Variants in CHRM3 observed in about 807,000 individuals in gnomAD.
CHRM3 encodes the protein muscarinic acetylcholine receptor M3.
A neutral mutation model predicts 41.8 loss-of-function variants in CHRM3; 11 were observed. The ratio of observed to expected loss-of-function variants is 0.26; its 90% CI spans 0.17 to 0.44. The LOEUF (loss-of-function observed/expected upper bound fraction) is 0.44, where lower values mean the gene tolerates loss of function less well. CHRM3 is among the 20% of genes least tolerant of loss of function. The probability of loss-of-function intolerance (pLI) is 1.00; values close to 1 mark genes in which losing one functional copy is unlikely to be tolerated. For missense variants in CHRM3, 571 were observed against 745.4 expected, an observed-to-expected ratio of 0.77 and a Z score of 2.72; for synonymous variants, 297 against 301.4, an observed-to-expected ratio of 0.99 and a Z score of 0.15.
intron 5 of CHRM3, among the ~76,000 whole-genome samples, chr1:239,737,885 G>A (rs750068078): frequency 3.3e-5 from 5 of 151,890 alleles, no homozygotes; most frequent in South Asian, 2.1e-4. Flanking sequence ...GAACACATAC[G>A]GGCAATTAAA....
chr1:239,672,365 C>T (rs956567619), intron 4 of CHRM3, among the ~76,000 whole-genome samples: 2 of 152,202 alleles, frequency 1.3e-5, no homozygotes, highest in Middle Eastern at 3.4e-3. Context: ...TCCTTGTCAG[C>T]AGGAGACAAG....
intron 4 of CHRM3, among the ~76,000 whole-genome samples, chr1:239,653,377 A>G (rs957788203): frequency 2.0e-5 from 3 of 152,140 alleles, no homozygotes; most frequent in African/African-American, 7.2e-5. Context: ...GAATAAACCG[A>G]CTTAGCAGGA....
intron 1 of CHRM3, among the ~76,000 whole-genome samples, chr1:239,456,660 TG>T (rs1664961477): frequency 6.6e-6 from 1 of 152,138 alleles, no homozygotes; most frequent in South Asian, 2.1e-4. Flanking sequence ...TGTACATGAA[TG>T]GCCCAATTGG....
intron 5 of CHRM3, among the ~76,000 whole-genome samples, chr1:239,806,473 T>G (rs914125973): frequency 6.6e-6 from 1 of 151,876 alleles, no homozygotes; most frequent in Non-Finnish European, 1.5e-5. Context: ...TTGTAATTGT[T>G]GAATCTATTG....
At chr1:239,490,565 AT>A (rs1667489050) in intron 1 of CHRM3, among the ~76,000 whole-genome samples, 1 of 151,838 alleles carries the variant, frequency 6.6e-6, no homozygotes, top group South Asian at 2.1e-4. Context: ...TATTAGTATT[AT>A]TATTATTACT....
At chr1:239,634,246 C>T (rs1670191722) in intron 4 of CHRM3, among the ~76,000 whole-genome samples, 1 of 152,126 alleles carries the variant, frequency 6.6e-6, no homozygotes, top group Admixed American at 6.6e-5. Context: ...GAATACAATA[C>T]TCTTCAATAG....
At chr1:239,902,287 A>G (rs1227902965) in intron 6 of CHRM3, among the ~76,000 whole-genome samples, 5 of 152,134 alleles carry the variant, frequency 3.3e-5, no homozygotes, top group Admixed American at 3.3e-4. Flanking sequence ...CTTCTCCATA[A>G]TCTACAGATC....
At chr1:239,791,324 C>T (rs180896139) in intron 5 of CHRM3, among the ~76,000 whole-genome samples, 26 of 152,270 alleles carry the variant, frequency 1.7e-4, no homozygotes, top group Non-Finnish European at 3.2e-4. Flanking sequence ...AGCCTTGTCT[C>T]GAACTCCTGG....
chr1:239,834,147 A>ATC (rs1227509918), intron 6 of CHRM3, among the ~76,000 whole-genome samples: 11 of 51,176 alleles, frequency 2.1e-4, no homozygotes, highest in East Asian at 1.0e-3. Flanking sequence ...ATAATTCCAC[A>ATC]TCACACACAC....
chr1:239,421,997 C>T (rs1030319332), intron 1 of CHRM3, among the ~76,000 whole-genome samples: 4 of 152,118 alleles, frequency 2.6e-5, no homozygotes, highest in African/African-American at 9.7e-5. Flanking sequence ...GATGATGTCA[C>T]CATAAAGCTA....
intron 4 of CHRM3, among the ~76,000 whole-genome samples, chr1:239,649,792 A>G (rs1349558325): frequency 1.3e-5 from 2 of 152,192 alleles, no homozygotes; most frequent in African/African-American, 4.8e-5. Flanking sequence ...GGCAGAGTTC[A>G]TGGGCACAGA....
intron 2 of CHRM3, among the ~76,000 whole-genome samples, chr1:239,533,731 C>CAAA (rs61441846): frequency 1.3e-4 from 5 of 37,040 alleles, no homozygotes; most frequent in Non-Finnish European, 2.3e-4. Flanking sequence ...AACTCTGTCT[C>CAAA]AAAAAAAAAA....
At chr1:239,639,683 T>G (rs1670886047) in intron 4 of CHRM3, among the ~76,000 whole-genome samples, 1 of 151,874 alleles carries the variant, frequency 6.6e-6, no homozygotes, top group Admixed American at 6.6e-5. Flanking sequence ...TGGGGTTTTC[T>G]AGATATACAA....
intron 1 of CHRM3, among the ~76,000 whole-genome samples, chr1:239,412,218 TC>T: frequency 9.0e-6 from 1 of 110,820 alleles, no homozygotes; most frequent in Non-Finnish European, 1.9e-5. Context: ...TCCTTCCCAC[TC>T]TTTTTCTCCC....
chr1:239,527,464 C>T (rs1670070612), intron 2 of CHRM3, among the ~76,000 whole-genome samples: 1 of 152,222 alleles, frequency 6.6e-6, no homozygotes, highest in African/African-American at 2.4e-5. Flanking sequence ...TACCTTTCCT[C>T]AAGCACTGCT....
intron 5 of CHRM3, chr1:239,704,930 T>A (rs1661007893): frequency 6.6e-6 from 1 of 152,222 alleles, no homozygotes; most frequent in African/African-American, 2.4e-5. Context: ...CTGGGTGCGA[T>A]GGGTTCACAC....
intron 2 of CHRM3, among the ~76,000 whole-genome samples, chr1:239,541,391 A>G (rs1327937910): frequency 6.6e-6 from 1 of 152,148 alleles, no homozygotes; most frequent in Non-Finnish European, 1.5e-5. Context: ...CCTAAAGTTG[A>G]CTTACATCCA....
chr1:239,499,405 T>G (rs557234959), intron 2 of CHRM3, among the ~76,000 whole-genome samples: 1 of 152,182 alleles, frequency 6.6e-6, no homozygotes, highest in African/African-American at 2.4e-5. Flanking sequence ...AAGCACATAT[T>G]GAACACTTAC....
intron 5 of CHRM3, among the ~76,000 whole-genome samples, chr1:239,782,304 T>C (rs1668567029): frequency 6.6e-6 from 1 of 152,090 alleles, no homozygotes; most frequent in Non-Finnish European, 1.5e-5. Flanking sequence ...TAGGCCTATT[T>C]TGATCAACTG....
Sources: allele counts gnomAD v4.1 joint callset (sites outside exome capture counted in the v4.1 genomes callset), GRCh38; gene constraint gnomAD v4.1.1; transcripts MANE v1.5; gene names NCBI Gene and HGNC (gene_info 2026-07-23, HGNC 2026-07-21).